The following KIF6 variants were observed in gnomAD, a reference collection of about 807,000 sequenced individuals.
KIF6 encodes the protein kinesin family member 6.
In KIF6, 106 loss-of-function variants were observed where a neutral mutation model predicts 112.7. The ratio of observed to expected loss-of-function variants is 0.94; its 90% confidence interval spans 0.80 to 1.11. KIF6 has a LOEUF of 1.11. Among genes scored for constraint, KIF6 ranks in the 50% least tolerant of loss-of-function variants. KIF6 has a pLI of 0.00. For synonymous variants in KIF6, 339 were observed against 339.9 expected (o/e 1.00, Z 0.03); for missense variants, 929 against 964.0 (o/e 0.96, Z 0.48).
At chr6:39,375,891 C>T (rs1766399146) in intron 16 of KIF6, among the ~76,000 whole-genome samples, 1 of 152,226 alleles carries the variant, frequency 6.6e-6, no homozygotes, top group African/African-American at 2.4e-5. Flanking sequence ...CAGGCTGGCA[C>T]CAGGGCTGAC....
chr6:39,454,127 C>T (rs574491387), intron 13 of KIF6, among the ~76,000 whole-genome samples: 65 of 152,094 alleles, frequency 4.3e-4, no homozygotes, highest in Non-Finnish European at 8.8e-4. Flanking sequence ...GACTAAGTAG[C>T]ATGGTGAGTA....
chr6:39,711,277 TAAA>T (rs34784345), intron 3 of KIF6, among the ~76,000 whole-genome samples: 3 of 72,896 alleles, frequency 4.1e-5, no homozygotes, highest in Non-Finnish European at 8.2e-5. Context: ...ACCTGGAAAG[TAAA>T]AAAAAAAAAA....
At chr6:39,708,062 G>C (rs1789316611) in intron 3 of KIF6, among the ~76,000 whole-genome samples, 1 of 152,156 alleles carries the variant, frequency 6.6e-6, no homozygotes, top group African/African-American at 2.4e-5. Flanking sequence ...TCTTGAAAGA[G>C]CAGGATCTCT....
chr6:39,657,065 T>C (rs1340900974), intron 3 of KIF6, among the ~76,000 whole-genome samples: 1 of 151,894 alleles, frequency 6.6e-6, no homozygotes, highest in Non-Finnish European at 1.5e-5. Flanking sequence ...ACCCCGTCTC[T>C]ACTAAAAATA....
intron 4 of KIF6, among the ~76,000 whole-genome samples, chr6:39,635,764 A>AT (rs1784594393): frequency 1.3e-5 from 2 of 152,146 alleles, no homozygotes; most frequent in African/African-American, 4.8e-5. Flanking sequence ...AAAATAAGGA[A>AT]TTTTTTCAAC....
intron 22 of KIF6, among the ~76,000 whole-genome samples, chr6:39,338,430 A>G (rs1239664397): frequency 6.6e-6 from 1 of 152,108 alleles, no homozygotes; most frequent in Non-Finnish European, 1.5e-5. Flanking sequence ...TGTGTGCAAG[A>G]CCTCTGGCAG....
chr6:39,485,391 T>G (rs1212413056), intron 13 of KIF6, among the ~76,000 whole-genome samples: 1 of 152,158 alleles, frequency 6.6e-6, no homozygotes, highest in Non-Finnish European at 1.5e-5. Flanking sequence ...CCCCTTATTA[T>G]GCTTGGCTTT....
In KIF6 at chr6:39,720,893, GA is replaced by G. The variant is rs1434778690; in HGVS notation, c.67-83del. On this transcript the variant is annotated intron_variant, in intron 1 of 22. Coordinates refer to ENST00000287152, the MANE Select transcript of KIF6 (RefSeq NM_145027.6). ...TCACCATGTTATTATGACTTGTAAT[GA>G]TATGAAAATTATACTCTTAAGATTA... 4.4e-6 allele frequency: 3 copies of G among 678,344 alleles called. No individual in the cohort carries two copies. The African/African-American group carries it at 5.4e-5, about 12-fold the overall frequency. 42.0% of individuals were successfully genotyped at this position (678,344 alleles called of 1,614,324 possible).
chr6:39,631,705 G>GTTTTTTTTTTTTTT (rs370778695), intron 5 of KIF6, among the ~76,000 whole-genome samples: 1 of 143,784 alleles, frequency 7.0e-6, no homozygotes. Context: ...TCAGTCTGTA[G>GTTTTTTTTTTTTTT]TTTTTTTTTT....
chr6:39,403,359 A>G (rs777399183), intron 15 of KIF6, among the ~76,000 whole-genome samples: 13 of 152,116 alleles, frequency 8.5e-5, no homozygotes, highest in Non-Finnish European at 1.8e-4. Context: ...CCTGCCCTGC[A>G]TTGTGGAAGT....
At chr6:39,357,194 T>G in intron 19 of KIF6, 83 bp downstream of exon 19, 10 of 783,248 alleles carry the variant, frequency 1.3e-5, no homozygotes, top group Non-Finnish European at 2.2e-5. Context: ...TCAAGAGACA[T>G]GAGAGCCACA....
At chr6:39,619,518 A>C (rs888736569) in intron 5 of KIF6, among the ~76,000 whole-genome samples, 3 of 152,288 alleles carry the variant, frequency 2.0e-5, no homozygotes, top group African/African-American at 7.2e-5. Context: ...ACAGGGTTCA[A>C]GGATGCATAG....
intron 3 of KIF6, among the ~76,000 whole-genome samples, chr6:39,645,101 C>T (rs186685857): frequency 4.6e-5 from 7 of 152,056 alleles, no homozygotes; most frequent in African/African-American, 7.2e-5. Flanking sequence ...ATAAATCAAC[C>T]CTTTATAAAC....
chr6:39,371,672 T>C (rs2150285696), intron 16 of KIF6, among the ~76,000 whole-genome samples: 1 of 152,350 alleles, frequency 6.6e-6, no homozygotes, highest in Middle Eastern at 3.4e-3. Context: ...ACTCTGCTTA[T>C]GCCTCTGTAG....
At chr6:39,692,768 T>C (rs971966165) in intron 3 of KIF6, among the ~76,000 whole-genome samples, 2 of 152,228 alleles carry the variant, frequency 1.3e-5, no homozygotes, top group African/African-American at 4.8e-5. Flanking sequence ...AACAACCCTA[T>C]TGTACTCTTA....
intron 19 of KIF6, among the ~76,000 whole-genome samples, chr6:39,355,692 C>T (rs544750987): frequency 6.6e-6 from 1 of 152,002 alleles, no homozygotes; most frequent in South Asian, 2.1e-4. Flanking sequence ...GAACTCCTGA[C>T]CTCAGGTGAT....
intron 22 of KIF6, among the ~76,000 whole-genome samples, chr6:39,337,248 T>C (rs1763077949): frequency 1.1e-5 from 1 of 92,200 alleles, no homozygotes; most frequent in African/African-American, 7.6e-5. Flanking sequence ...TTTCTTTCTT[T>C]TCTTTCCCTC....
At chr6:39,355,415 T>C (rs946098129) in intron 19 of KIF6, among the ~76,000 whole-genome samples, 2 of 151,232 alleles carry the variant, frequency 1.3e-5, no homozygotes, top group African/African-American at 4.9e-5. Context: ...CTCAACCTGG[T>C]TGGTGTTGAG....
At chr6:39,614,435 T>C (rs1273083170) in intron 5 of KIF6, among the ~76,000 whole-genome samples, 10 of 152,208 alleles carry the variant, frequency 6.6e-5, no homozygotes, top group Admixed American at 2.6e-4. Context: ...TAAAAACTTA[T>C]TAAGAATATC....
Sources: gnomAD v4.1 joint callset for allele counts (sites outside exome capture counted in the v4.1 genomes callset) on GRCh38, gnomAD v4.1.1 for gene constraint, MANE v1.5 for transcripts, NCBI Gene and HGNC (gene_info 2026-07-23, HGNC 2026-07-21) for gene names.